The following BCL11B variants were observed in gnomAD, a reference collection of about 807,000 sequenced individuals.
The protein encoded by BCL11B is B-cell lymphoma/leukemia 11B.
BCL11B carries 8 observed loss-of-function variants against 49.9 expected under a neutral mutation model. The ratio of observed to expected loss-of-function variants is 0.16; its 90% confidence interval spans 0.09 to 0.29. The LOEUF (loss-of-function observed/expected upper bound fraction) is 0.29. BCL11B is among the 10% of genes least tolerant of loss of function. The pLI, the probability that BCL11B is intolerant of heterozygous loss-of-function variation, is 1.00. For synonymous variants in BCL11B, 739 were observed against 637.4 expected (o/e 1.16, Z -2.40); for missense variants, 1,006 against 1,351.0 (o/e 0.74, Z 4.00).
At chr14:99,215,109 C>A (rs1279377717) in intron 3 of BCL11B, among the ~76,000 whole-genome samples, 1 of 151,744 alleles carries the variant, frequency 6.6e-6, no homozygotes, top group Non-Finnish European at 1.5e-5. Flanking sequence ...CAGCCCCCCA[C>A]CCTGCAATGA....
chr14:99,212,284 A>G (rs1786904744), intron 3 of BCL11B, among the ~76,000 whole-genome samples: 1 of 152,182 alleles, frequency 6.6e-6, no homozygotes, highest in South Asian at 2.1e-4. Flanking sequence ...GGTTGGTCAG[A>G]CAGCTGCAGC....
intron 1 of BCL11B, among the ~76,000 whole-genome samples, chr14:99,270,179 C>T (rs893134835): frequency 2.6e-5 from 4 of 152,160 alleles, no homozygotes; most frequent in African/African-American, 9.7e-5. Flanking sequence ...CGCCCAGCCA[C>T]ATGCTTGAAA....
At chr14:99,236,812 G>A (rs1288194166) in intron 2 of BCL11B, among the ~76,000 whole-genome samples, 1 of 152,214 alleles carries the variant, frequency 6.6e-6, no homozygotes, top group Non-Finnish European at 1.5e-5. Flanking sequence ...AGAGCTGTCT[G>A]CTAAGACTGC....
intron 1 of BCL11B, among the ~76,000 whole-genome samples, chr14:99,266,010 T>G (rs1889471283): frequency 6.6e-6 from 1 of 152,212 alleles, no homozygotes. Flanking sequence ...ATTACATGTT[T>G]AGGGGAGAAA....
In BCL11B at chr14:99,195,424, C is replaced by G. The variant is rs893577474; in HGVS notation, c.641-19229G>C. On this transcript the variant is annotated intron_variant, in intron 3 of 3. Coordinates refer to ENST00000357195, the MANE Select transcript of BCL11B (RefSeq NM_138576.4). The surrounding 1 kb of genome is among the most constrained non-coding windows in gnomAD (Gnocchi z 4.7). ...TGCTGCAGGCGAATGGTGCACCCAG[C>G]ATTCTATCCTTGCCCACCCCACCAC... Among the ~76,000 whole-genome samples the G allele has an allele frequency of 2.3e-4, 35 of 152,160 alleles. No homozygotes were observed. The highest frequency in any genetic ancestry group is 4.6e-4 in the Non-Finnish European group (31 of 68,018).
chr14:99,229,124 A>T (rs1390742941), intron 3 of BCL11B, among the ~76,000 whole-genome samples: 1 of 89,742 alleles, frequency 1.1e-5, no homozygotes, highest in Non-Finnish European at 2.7e-5. Context: ...GGATGAATGG[A>T]TGGATGGATG....
intron 1 of BCL11B, among the ~76,000 whole-genome samples, chr14:99,269,944 C>G (rs1272821938): frequency 2.8e-5 from 4 of 141,128 alleles, no homozygotes; most frequent in Non-Finnish European, 6.0e-5. Context: ...AGAGAAAGAA[C>G]GGCGGGGAAA....
At chr14:99,238,962 T>A (rs529880390) in intron 2 of BCL11B, among the ~76,000 whole-genome samples, 1 of 152,278 alleles carries the variant, frequency 6.6e-6, no homozygotes, top group South Asian at 2.1e-4. Context: ...ACTTCTATTA[T>A]CTATAAGAGA....
rs919516875 is a variant in BCL11B, at chr14:99,173,084, G to A, written c.*1067C>T. The A allele has an allele frequency of 1.7e-5, 4 of 229,426 alleles. No homozygotes were observed. The highest frequency in any genetic ancestry group is 8.9e-5 in the African/African-American group (4 of 45,000). The allele number at this position is 229,426 out of a possible 1,614,324, so 14.2% of individuals were successfully genotyped here. On this transcript the variant is annotated 3_prime_UTR_variant, in exon 4 of 4. Coordinates refer to ENST00000357195, the MANE Select transcript of BCL11B (RefSeq NM_138576.4). The stretch of plus-strand genomic sequence containing the variant: ...TAGGATTTGAGATTTATGTGGTGGG[G>A]GTGATTTAAAAAAAGAGAGAAGCCG...
At chr14:99,268,080 T>A (rs1889538768) in intron 1 of BCL11B, among the ~76,000 whole-genome samples, 1 of 152,202 alleles carries the variant, frequency 6.6e-6, no homozygotes, top group Non-Finnish European at 1.5e-5. Flanking sequence ...TTTGTTTTTT[T>A]ATTAATAGCT....
Position 99,232,086 on chromosome 14 carries a change from A to T in BCL11B, c.428-529T>A, listed in dbSNP as rs1888356727. ...CGCCTCCAGGTGTCTGGGCTCTGTT[A>T]GCCTCCTGTCTGGCAGACCACCAGC... On this transcript the variant is annotated intron_variant, in intron 2 of 3. Transcript: ENST00000357195. This position sits in a 1 kb window ranked among gnomAD's most constrained non-coding sequence, Gnocchi z 5.1. Among the ~76,000 whole-genome samples the T allele has an allele frequency of 6.6e-6, 1 of 152,014 alleles. No individual in the cohort carries two copies. Among genetic ancestry groups the T allele is most frequent in the South Asian group, 2.1e-4 (1 of 4,834 alleles).
At chr14:99,178,655 C>T (rs911509470) in intron 3 of BCL11B, among the ~76,000 whole-genome samples, 1 of 152,212 alleles carries the variant, frequency 6.6e-6, no homozygotes, top group Non-Finnish European at 1.5e-5. Flanking sequence ...CGACTCCTCA[C>T]ACCCTTTTTG....
intron 2 of BCL11B, among the ~76,000 whole-genome samples, chr14:99,250,252 G>A (rs1888969465): frequency 6.6e-6 from 1 of 151,718 alleles, no homozygotes; most frequent in Non-Finnish European, 1.5e-5. Context: ...AGCCAGGATG[G>A]TCTCGATCAC....
Position 99,272,096 on chromosome 14 carries a change from C to T in BCL11B, c.-878G>A, listed in dbSNP as rs1172910712. On this transcript the variant is annotated 5_prime_UTR_variant, in exon 1 of 4. Coordinates refer to ENST00000357195, the MANE Select transcript of BCL11B (RefSeq NM_138576.4). This position sits in a 1 kb window ranked among gnomAD's most constrained non-coding sequence, Gnocchi z 6.0. Reference sequence around the variant, plus strand: ...GAGCGGGGCGGAGGGGCGGCTCGCCCAGTGCGCCTGGGTCGGTGCGGGCGC... The same window carrying T: ...GAGCGGGGCGGAGGGGCGGCTCGCCTAGTGCGCCTGGGTCGGTGCGGGCGC... 6.6e-6 allele frequency among the ~76,000 whole-genome samples: 1 copy of T among 151,952 alleles called. No homozygotes were observed. Among genetic ancestry groups the T allele is most frequent in the African/African-American group, 2.4e-5 (1 of 41,400 alleles).
intron 3 of BCL11B, among the ~76,000 whole-genome samples, chr14:99,177,610 T>A (rs1467003087): frequency 1.3e-5 from 2 of 148,488 alleles, no homozygotes; most frequent in South Asian, 2.2e-4. Flanking sequence ...GCATGCGAGA[T>A]CTTGAAAGAT....
At position 99,174,905 on chromosome 14, in the gene BCL11B, T is replaced by C. The variant is rs1886431398; in HGVS notation, c.1931A>G (p.Asp644Gly). The change falls in exon 4 of 4, where the codon GAC (aspartate) becomes GGC (glycine). Residue 644 changes from aspartate (D) to glycine (G), a missense_variant. Coordinates refer to ENST00000357195, the MANE Select transcript of BCL11B (RefSeq NM_138576.4). ...GDDDDAGGCG[D>G]AGAGGAVNGR... The stretch of plus-strand genomic sequence containing the variant: ...GTTGACCGCGCCGCCCGCGCCCGCG[T>C]CCCCGCAGCCGCCCGCGTCGTCGTC... 1 of 1,100,958 alleles carries C rather than the reference T, an allele frequency of 9.1e-7. No homozygotes were observed. Among genetic ancestry groups the C allele is most frequent in the South Asian group, 3.6e-5 (1 of 27,788 alleles). 68.2% of individuals were successfully genotyped at this position (1,100,958 alleles called of 1,614,324 possible).
At chr14:99,250,558 A>T (rs1888978679) in intron 2 of BCL11B, among the ~76,000 whole-genome samples, 1 of 152,174 alleles carries the variant, frequency 6.6e-6, no homozygotes, top group Non-Finnish European at 1.5e-5. Context: ...AGCAGAGCCC[A>T]CTCCTAACAG....
chr14:99,187,413 T>C (rs940988348), intron 3 of BCL11B, among the ~76,000 whole-genome samples: 1 of 151,972 alleles, frequency 6.6e-6, no homozygotes, highest in African/African-American at 2.4e-5. Flanking sequence ...GTTGTCAGAG[T>C]CCCTTGAAAT....
In BCL11B at chr14:99,171,978, C is replaced by A. The variant is rs976125814; in HGVS notation, c.*2173G>T. 3 of 203,602 alleles carry A rather than the reference C, an allele frequency of 1.5e-5. No individual in the cohort carries two copies. Among genetic ancestry groups the A allele is most frequent in the Non-Finnish European group, 3.0e-5 (3 of 99,480 alleles). The allele number at this position is 203,602 out of a possible 1,614,324, so 12.6% of individuals were successfully genotyped here. A position where few individuals can be genotyped will look rare whatever the true frequency, so the allele number is the denominator to read the frequency against. ...ATAATATATACTAAAACCCCGTCACCAAAAGAAAACAATATACACGCGGCC... is the reference window on the plus strand; with the variant it reads ...ATAATATATACTAAAACCCCGTCACAAAAAGAAAACAATATACACGCGGCC... On this transcript the variant is annotated 3_prime_UTR_variant, in exon 4 of 4. Transcript: ENST00000357195.
Sources: allele counts gnomAD v4.1 joint callset (sites outside exome capture counted in the v4.1 genomes callset), GRCh38; gene constraint gnomAD v4.1.1; non-coding constraint Gnocchi (gnomAD v3.1); transcripts MANE v1.5; gene names NCBI Gene and HGNC (gene_info 2026-07-23, HGNC 2026-07-21).